The following PCDHGA1 variants were observed in gnomAD, a reference collection of about 807,000 sequenced individuals.
The protein encoded by PCDHGA1 is protocadherin gamma subfamily A, 1.
A neutral mutation model predicts 58.0 loss-of-function variants in PCDHGA1; 32 were observed. The observed-to-expected ratio is 0.55, with a 90% CI of 0.42 to 0.74. PCDHGA1 has a LOEUF of 0.74. Among genes scored for constraint, PCDHGA1 ranks in the 30% least tolerant of loss-of-function variants. The pLI, the probability that PCDHGA1 is intolerant of heterozygous loss-of-function variation, is 0.00. For missense variants in PCDHGA1, 1,205 were observed against 1,182.3 expected (o/e 1.02, Z -0.28); for synonymous variants, 498 against 501.1 (o/e 0.99, Z 0.08).
chr5:141,485,689 G>A lies in PCDHGA1; in HGVS notation c.2422-9118G>A. On this transcript the variant is annotated intron_variant, in intron 1 of 3. Transcript: ENST00000517417. This position sits in a 1 kb window ranked among gnomAD's most constrained non-coding sequence, Gnocchi z 5.7. ...GCAATTCGATTAGCAGCTATAGGCT[G>A]AGCTCCAATGAACACTTTGCACTGG... The A allele has an allele frequency of 6.2e-7, 1 of 1,614,086 alleles. No individual in the cohort carries two copies. The highest frequency in any genetic ancestry group is 8.5e-7 in the Non-Finnish European group (1 of 1,179,970).
At position 141,381,820 on chromosome 5, in the gene PCDHGA1, C is replaced by CTTTCTTTCT. The variant is rs1279410534; in HGVS notation, c.2421+48717_2421+48718insTCTTTCTTT. On this transcript the variant is annotated intron_variant, in intron 1 of 3. Transcript: ENST00000517417. ...TCCCTCTTTCTTTCTTTCTTTCTTT[C>CTTTCTTTCT]TTCTTCTTTTTTTTTTTTTTTTTTT... is the stretch of plus-strand genomic sequence containing the variant. 4.1e-3 allele frequency among the ~76,000 whole-genome samples: 486 copies of CTTTCTTTCT among 119,674 alleles called. 3 individuals carry two copies. The highest frequency in any genetic ancestry group is 0.016 in the African/African-American group (465 of 29,196). The allele number at this position is 119,674 out of a possible 152,430, so 78.5% of individuals were successfully genotyped here.
At chr5:141,510,315 G>A (rs2099880567) in intron 3 of PCDHGA1, among the ~76,000 whole-genome samples, 1 of 151,324 alleles carries the variant, frequency 6.6e-6, no homozygotes, top group African/African-American at 2.4e-5. Flanking sequence ...TGGAGGCTTG[G>A]AAGAGCACTC....
chr5:141,351,380 C>A, intron 1 of PCDHGA1: 1 of 1,612,118 alleles, frequency 6.2e-7, no homozygotes, highest in Non-Finnish European at 8.5e-7. Context: ...GGATTCTGGG[C>A]AAAATGGCAT....
intron 1 of PCDHGA1, chr5:141,395,340 G>T (rs529007241): frequency 2.1e-6 from 3 of 1,419,360 alleles, no homozygotes; most frequent in Non-Finnish European, 1.9e-6. Flanking sequence ...TAATTTTTAA[G>T]GTGTATCACA....
intron 1 of PCDHGA1, chr5:141,377,698 A>G (rs1274163537): frequency 6.6e-6 from 1 of 152,230 alleles, no homozygotes; most frequent in Non-Finnish European, 1.5e-5. Context: ...TTTACTACTT[A>G]GGAATCAAAA....
In PCDHGA1 at chr5:141,351,577, C is replaced by T. The variant is rs529917134; in HGVS notation, c.2421+18472C>T. The T allele has an allele frequency of 8.1e-6, 13 of 1,614,028 alleles. No homozygotes were observed. The African/African-American group carries it at 1.7e-4, about 22-fold the overall frequency. ...GGACAAGCATCACCCTGCACATCTC[C>T]GACATCAACGACAATGCACCTGTTT... is the stretch of plus-strand genomic sequence containing the variant. On this transcript the variant is annotated intron_variant, in intron 1 of 3. Transcript: ENST00000517417.
At chr5:141,418,732 G>A (rs747081573) in intron 1 of PCDHGA1, 1 of 1,613,994 alleles carries the variant, frequency 6.2e-7, no homozygotes, top group Non-Finnish European at 8.5e-7. Flanking sequence ...CTCAGCACGT[G>A]TTCTCTCTGG....
At chr5:141,423,049 C>T (rs1418805817) in intron 1 of PCDHGA1, 3 of 1,614,094 alleles carry the variant, frequency 1.9e-6, no homozygotes, top group East Asian at 2.2e-5. Flanking sequence ...GCTGTCCTAT[C>T]GCCTGCTTAA....
At chr5:141,484,908 G>T in intron 1 of PCDHGA1, 1 of 415,428 alleles carries the variant, frequency 2.4e-6, no homozygotes, top group East Asian at 4.2e-5. Context: ...ATGCTGCGAC[G>T]CATTAACCCT....
At chr5:141,395,032 T>C (rs1561652708) in intron 1 of PCDHGA1, 1 of 1,614,068 alleles carries the variant, frequency 6.2e-7, no homozygotes. Context: ...GCCTCACATT[T>C]TGTGGGTGTT....
chr5:141,344,181 A>G, intron 1 of PCDHGA1: 7 of 1,614,022 alleles, frequency 4.3e-6, no homozygotes, highest in Non-Finnish European at 5.9e-6. Flanking sequence ...CAACATCGCT[A>G]ACGACCTGGG....
intron 1 of PCDHGA1, chr5:141,375,193 A>G: frequency 6.2e-7 from 1 of 1,613,982 alleles, no homozygotes; most frequent in Non-Finnish European, 8.5e-7. Context: ...CCCTTTTTCA[A>G]GTGTTCGATC....
At chr5:141,454,993 T>C (rs2098809479) in intron 1 of PCDHGA1, among the ~76,000 whole-genome samples, 1 of 151,290 alleles carries the variant, frequency 6.6e-6, no homozygotes, top group Non-Finnish European at 1.5e-5. Context: ...AAAATATTTT[T>C]AGTAGAGACG....
intron 1 of PCDHGA1, among the ~76,000 whole-genome samples, chr5:141,401,408 A>G (rs943963302): frequency 6.6e-6 from 1 of 152,200 alleles, no homozygotes; most frequent in Non-Finnish European, 1.5e-5. Flanking sequence ...TATGAGAGAG[A>G]AAGAGAGAGA....
At chr5:141,467,018 CTTTGT>C (rs1209768587) in intron 1 of PCDHGA1, among the ~76,000 whole-genome samples, 4 of 149,992 alleles carry the variant, frequency 2.7e-5, no homozygotes, top group African/African-American at 7.3e-5. Context: ...ATTTTTTTCC[CTTTGT>C]TTTTGTTTTT....
rs1756316003 is a variant in PCDHGA1, at chr5:141,330,618, C to T, written c.-67C>T. 6.7e-7 allele frequency: 1 copy of T among 1,491,892 alleles called. No individual in the cohort carries two copies. Among genetic ancestry groups the T allele is most frequent in the East Asian group, 2.3e-5 (1 of 43,900 alleles). 92.4% of individuals were successfully genotyped at this position (1,491,892 alleles called of 1,614,324 possible). A position where few individuals can be genotyped will look rare whatever the true frequency, so the allele number is the denominator to read the frequency against. On this transcript the variant is annotated 5_prime_UTR_variant, in exon 1 of 4. Coordinates refer to ENST00000517417, the MANE Select transcript of PCDHGA1 (RefSeq NM_018912.3). ...ATTCTCCTGAAAATTGGGTTAATTT[C>T]AGCTCAGAAAAGCAGAAACGATACC... is the stretch of plus-strand genomic sequence containing the variant.
Position 141,486,178 on chromosome 5 carries a change from C to A in PCDHGA1, c.2422-8629C>A, listed in dbSNP as rs767840363. On this transcript the variant is annotated intron_variant, in intron 1 of 3. Transcript: ENST00000517417. This position sits in a 1 kb window ranked among gnomAD's most constrained non-coding sequence, Gnocchi z 5.0. ...CTCCAGCCATGGAGCAACATTGCAG[C>A]CTTCGAGTGGATCTGCTGGACGTAA... 1.2e-6 allele frequency: 2 copies of A among 1,614,194 alleles called. No homozygotes were observed. The highest frequency in any genetic ancestry group is 2.2e-5 in the East Asian group (1 of 44,882).
chr5:141,355,317 G>A (rs762569662), intron 1 of PCDHGA1: 4 of 1,613,882 alleles, frequency 2.5e-6, no homozygotes, highest in Non-Finnish European at 2.5e-6. Context: ...TTGAGGAGCA[G>A]GAAGAAGGCT....
intron 1 of PCDHGA1, chr5:141,395,206 A>T: frequency 1.9e-6 from 3 of 1,613,736 alleles, no homozygotes; most frequent in Non-Finnish European, 2.5e-6. Flanking sequence ...GTAGATTTTC[A>T]TGAATATAAG....
Sources: allele counts gnomAD v4.1 joint callset (sites outside exome capture counted in the v4.1 genomes callset), GRCh38; gene constraint gnomAD v4.1.1; non-coding constraint Gnocchi (gnomAD v3.1); transcripts MANE v1.5; gene names NCBI Gene and HGNC (gene_info 2026-07-23, HGNC 2026-07-21).